The following CLTCL1 variants were observed in gnomAD, a reference collection of about 807,000 sequenced individuals.
CLTCL1 encodes the protein clathrin heavy chain like 1.
A neutral mutation model predicts 190.0 loss-of-function variants in CLTCL1; 159 were observed. The observed-to-expected ratio is 0.84, with a 90% CI of 0.74 to 0.95. The LOEUF is 0.95. CLTCL1 is among the 40% of genes least tolerant of loss of function. The pLI, the probability that CLTCL1 is intolerant of heterozygous loss-of-function variation, is 0.00. For missense variants in CLTCL1, 1,878 were observed against 2,033.4 expected, an observed-to-expected ratio of 0.92 and a Z score of 1.47; for synonymous variants, 752 against 769.6, an observed-to-expected ratio of 0.98 and a Z score of 0.38.
chr22:19,254,053 A>G lies in CLTCL1; in HGVS notation c.425T>C (p.Phe142Ser), dbSNP rs2086676637. The G allele has an allele frequency of 4.3e-6, 7 of 1,612,262 alleles. No individual in the cohort carries two copies. Among genetic ancestry groups the G allele is most frequent in the Middle Eastern group, 1.6e-4 (1 of 6,062 alleles). The change falls in exon 3 of 33, where the codon TTT becomes TCT. Residue 142 changes from phenylalanine (F) to serine (S), a missense_variant. By Grantham distance (155) the Phe-to-Ser change is radical. Coordinates refer to ENST00000427926, the MANE Select transcript of CLTCL1 (RefSeq NM_007098.4). ...GCCCACCAGACTGGTATGTCTATCA[A>G]ACATCTTCATGGGCTGGGAGTCACC... ...MEGDSQPMKMFDRHTSLVGCQ... is the reference protein window; with the variant it reads ...MEGDSQPMKMSDRHTSLVGCQ...
chr22:19,195,646 C>CT (rs142768168), intron 26 of CLTCL1, among the ~76,000 whole-genome samples: 8,950 of 152,160 alleles, frequency 0.059, 323 homozygotes, highest in Middle Eastern at 0.16. Context: ...ACATACAGAG[C>CT]TGGAGAGGGG....
intron 15 of CLTCL1, 49 bp downstream of exon 15, chr22:19,222,635 G>T: frequency 6.4e-7 from 1 of 1,566,292 alleles, no homozygotes; most frequent in South Asian, 1.2e-5. Flanking sequence ...GACTGCCACT[G>T]ACTGGGGCCC....
At chr22:19,180,136 TG>T in intron 32 of CLTCL1, 62 bp downstream of exon 32, 1 of 1,442,450 alleles carries the variant, frequency 6.9e-7, no homozygotes, top group Non-Finnish European at 9.7e-7. Flanking sequence ...GCAAGGAGCG[TG>T]GGGTCAGCCA....
chr22:19,273,872 T>C (rs1555981837), intron 2 of CLTCL1, among the ~76,000 whole-genome samples: 1 of 152,120 alleles, frequency 6.6e-6, no homozygotes, highest in Non-Finnish European at 1.5e-5. Context: ...CAGTTCCCCA[T>C]GGCGTGTGTT....
chr22:19,192,192 A>G (rs1179855064), intron 26 of CLTCL1, among the ~76,000 whole-genome samples: 1 of 150,640 alleles, frequency 6.6e-6, no homozygotes, highest in Non-Finnish European at 1.5e-5. Context: ...CAGCCTCCTG[A>G]GTAGCTGGGA....
At position 19,187,726 on chromosome 22, in the gene CLTCL1, G is replaced by T; in HGVS notation, c.4437C>A (p.Gly1479=). 1 of 1,613,064 alleles carries T rather than the reference G, an allele frequency of 6.2e-7. No individual in the cohort carries two copies. Among genetic ancestry groups the T allele is most frequent in the Non-Finnish European group, 8.5e-7 (1 of 1,179,306 alleles). ...HLLTEEEDYQ[G]LRASIDAYDN... ...CATAGGCATCGATAGATGCCCTTAA[G>T]CCCTAGGAAGACAGCCTTTCTGTGA... Residue 1479 remains glycine, a splice_region_variant and synonymous_variant, in exon 29 of 33, where the codon GGC becomes GGA. Coordinates refer to ENST00000427926, the MANE Select transcript of CLTCL1 (RefSeq NM_007098.4).
intron 3 of CLTCL1, 92 bp from the exon 4 acceptor site, chr22:19,243,028 T>C: frequency 8.0e-7 from 1 of 1,246,708 alleles, no homozygotes; most frequent in Non-Finnish European, 1.1e-6. Context: ...GAAAGTCTCA[T>C]ACATTAGAGG....
intron 2 of CLTCL1, among the ~76,000 whole-genome samples, chr22:19,270,244 T>C (rs1555979931): frequency 6.6e-6 from 1 of 152,156 alleles, no homozygotes; most frequent in African/African-American, 2.4e-5. Context: ...TATGATTCCA[T>C]TTATTTGAAT....
At chr22:19,240,398 GGCAGTCTGGGTTT>G (rs1204032192) in intron 4 of CLTCL1, among the ~76,000 whole-genome samples, 12 of 152,108 alleles carry the variant, frequency 7.9e-5, no homozygotes, top group Admixed American at 5.9e-4. Flanking sequence ...TCTGTGGAGG[GGCAGTCTGGGTTT>G]GCGGTCTGGG....
intron 19 of CLTCL1, among the ~76,000 whole-genome samples, chr22:19,213,763 G>A (rs2145679148): frequency 6.6e-6 from 1 of 152,162 alleles, no homozygotes; most frequent in Middle Eastern, 3.4e-3. Flanking sequence ...AGCCAGGGTT[G>A]GGGGTTGAGG....
intron 22 of CLTCL1, among the ~76,000 whole-genome samples, chr22:19,202,561 T>TCCCCCACCA (rs2084931263): frequency 9.2e-6 from 1 of 108,418 alleles, no homozygotes; most frequent in African/African-American, 3.5e-5. Context: ...CCATGGCACC[T>TCCCCCACCA]CCCCTCCTTC....
chr22:19,279,632 T>C (rs1208576761), intron 1 of CLTCL1, among the ~76,000 whole-genome samples: 2 of 152,232 alleles, frequency 1.3e-5, no homozygotes, highest in Non-Finnish European at 1.5e-5. Context: ...TAAATCTTCA[T>C]TTCAGCAAAG....
intron 3 of CLTCL1, among the ~76,000 whole-genome samples, chr22:19,248,328 T>A (rs1439310235): frequency 6.6e-6 from 1 of 152,042 alleles, no homozygotes; most frequent in Non-Finnish European, 1.5e-5. Flanking sequence ...TTTTTTGCAA[T>A]TTTTGTTTTT....
intron 5 of CLTCL1, 29 bp downstream of exon 5, chr22:19,239,246 A>G: frequency 6.5e-7 from 1 of 1,532,424 alleles, no homozygotes; most frequent in Non-Finnish European, 9.0e-7. Flanking sequence ...TTAGGACATG[A>G]AGATGTTTAG....
At chr22:19,257,698 G>T (rs1160991769) in intron 2 of CLTCL1, 14 of 828,818 alleles carry the variant, frequency 1.7e-5, no homozygotes, top group Non-Finnish European at 2.5e-5. Context: ...GGTGGCTTGG[G>T]GTCCAGGGCC....
rs2084504950 is a variant in CLTCL1, at chr22:19,191,499, C to T, written c.4192-64G>A. 4.4e-6 allele frequency: 7 copies of T among 1,589,004 alleles called. 1 individual carries two copies. The South Asian group carries it at 7.8e-5, about 18-fold the overall frequency. ...TCTCCAGATACCCCAGGGCTCCTTC[C>T]AGTTTTTGCTCAAATGACACTTTAC... On this transcript the variant is annotated intron_variant, in intron 26 of 32. Coordinates refer to ENST00000427926, the MANE Select transcript of CLTCL1 (RefSeq NM_007098.4).
At chr22:19,251,188 TTTAAA>T (rs1555969810) in intron 3 of CLTCL1, among the ~76,000 whole-genome samples, 1 of 152,092 alleles carries the variant, frequency 6.6e-6, no homozygotes, top group African/African-American at 2.4e-5. Flanking sequence ...TTTTGCACTT[TTTAAA>T]TTAAATTTAC....
At chr22:19,257,820 A>G (rs782280969) in intron 2 of CLTCL1, 14 of 1,430,344 alleles carry the variant, frequency 9.8e-6, no homozygotes, top group Admixed American at 1.8e-5. Flanking sequence ...CAGAGTGAGG[A>G]GCCTGGAGAC....
At chr22:19,236,093 G>A (rs975301390) in intron 5 of CLTCL1, among the ~76,000 whole-genome samples, 30 of 152,262 alleles carry the variant, frequency 2.0e-4, no homozygotes, top group Admixed American at 1.8e-3. Context: ...CAATGTAGCT[G>A]GGACTACAAG....
Sources: allele counts gnomAD v4.1 joint callset (sites outside exome capture counted in the v4.1 genomes callset), GRCh38; gene constraint gnomAD v4.1.1; transcripts MANE v1.5; gene names NCBI Gene and HGNC (gene_info 2026-07-23, HGNC 2026-07-21).